SPIDR: variants seen among roughly 807,000 people sequenced by gnomAD.
SPIDR encodes the protein scaffold protein involved in DNA repair.
SPIDR carries 93 observed loss-of-function variants against 104.6 expected under a neutral mutation model. That is an observed-to-expected ratio of 0.89 (90% CI 0.75 to 1.06). The LOEUF (loss-of-function observed/expected upper bound fraction) is 1.06. SPIDR is among the 50% of genes least tolerant of loss of function. SPIDR has a pLI of 0.00. For synonymous variants in SPIDR, 431 were observed against 416.9 expected (o/e 1.03, Z -0.41); for missense variants, 1,154 against 1,111.2 (o/e 1.04, Z -0.55).
chr8:47,340,515 T>G (rs2050547431), intron 5 of SPIDR, among the ~76,000 whole-genome samples: 1 of 151,974 alleles, frequency 6.6e-6, no homozygotes, highest in Non-Finnish European at 1.5e-5. Flanking sequence ...GGTGGGAGAA[T>G]CACTTGAACC....
intron 5 of SPIDR, among the ~76,000 whole-genome samples, chr8:47,348,106 T>C (rs1321068553): frequency 2.6e-5 from 4 of 152,202 alleles, no homozygotes; most frequent in Admixed American, 6.5e-5. Context: ...TTTTCATGTT[T>C]AGTGCTTCCT....
chr8:47,529,574 C>T (rs1383202574), intron 8 of SPIDR, among the ~76,000 whole-genome samples: 1 of 151,694 alleles, frequency 6.6e-6, no homozygotes, highest in Non-Finnish European at 1.5e-5. Flanking sequence ...ACTAAGGCTA[C>T]CTTGCAAGAA....
intron 10 of SPIDR, among the ~76,000 whole-genome samples, chr8:47,603,559 AT>A (rs554738300): frequency 0.066 from 8,796 of 133,454 alleles, 351 homozygotes; most frequent in African/African-American, 0.12. Flanking sequence ...TACCCAGCTA[AT>A]TTTTTTTTTT....
intron 8 of SPIDR, among the ~76,000 whole-genome samples, chr8:47,538,576 C>T (rs557017934): frequency 6.6e-6 from 1 of 152,048 alleles, no homozygotes; most frequent in Admixed American, 6.6e-5. Context: ...AATTAATGTT[C>T]ATTGTCAGAC....
At chr8:47,422,620 A>C (rs2065728980) in intron 7 of SPIDR, among the ~76,000 whole-genome samples, 1 of 152,134 alleles carries the variant, frequency 6.6e-6, no homozygotes, top group Non-Finnish European at 1.5e-5. Context: ...ACTGTCCTGC[A>C]CCCACTGTCT....
chr8:47,271,985 C>A (rs1005542754), intron 1 of SPIDR, among the ~76,000 whole-genome samples: 5 of 150,998 alleles, frequency 3.3e-5, no homozygotes, highest in African/African-American at 1.2e-4. Flanking sequence ...ATTTTTTTTT[C>A]TTTTTTTGAG....
intron 10 of SPIDR, among the ~76,000 whole-genome samples, chr8:47,627,886 C>G (rs1268112522): frequency 6.6e-6 from 1 of 152,178 alleles, no homozygotes; most frequent in Non-Finnish European, 1.5e-5. Flanking sequence ...CTTTTTATAG[C>G]AGCGGACCAG....
chr8:47,528,635 C>T (rs571762232), intron 8 of SPIDR, among the ~76,000 whole-genome samples: 7 of 151,904 alleles, frequency 4.6e-5, no homozygotes, highest in African/African-American at 1.7e-4. Context: ...TCCTAGAAAC[C>T]GAAGGCACCA....
At position 47,440,536 on chromosome 8, in the gene SPIDR, C is replaced by G; in HGVS notation, c.1091C>G (p.Pro364Arg). 3.1e-6 allele frequency: 5 copies of G among 1,612,946 alleles called. No individual in the cohort carries two copies. The highest frequency in any genetic ancestry group is 4.2e-6 in the Non-Finnish European group (5 of 1,179,102). ...CCCCAGGACACTGTCCGGATCTTCCCTCCCTGGTGAGTGCGCAGAACTTAA... is the reference window on the plus strand; with the variant it reads ...CCCCAGGACACTGTCCGGATCTTCCGTCCCTGGTGAGTGCGCAGAACTTAA... ...GRPQDTVRIFPPWQKLIIPSG... is the reference protein window; with the variant it reads ...GRPQDTVRIFRPWQKLIIPSG... The change falls in exon 8 of 20, where the codon CCT becomes CGT. Residue 364 changes from proline (P) to arginine (R), a missense_variant. By Grantham distance (103) the Pro-to-Arg change is moderately radical. Transcript: ENST00000297423.
chr8:47,462,375 T>C (rs539407532), intron 8 of SPIDR, among the ~76,000 whole-genome samples: 1 of 152,268 alleles, frequency 6.6e-6, no homozygotes, highest in African/African-American at 2.4e-5. Context: ...CTCTTGGCTT[T>C]CCTGGTATAT....
intron 8 of SPIDR, among the ~76,000 whole-genome samples, chr8:47,508,560 G>T (rs1291533171): frequency 6.6e-6 from 1 of 152,192 alleles, no homozygotes; most frequent in Non-Finnish European, 1.5e-5. Context: ...TCTAAAAGAT[G>T]CCGTGTTGCT....
chr8:47,485,926 T>C (rs2077539368), intron 8 of SPIDR, among the ~76,000 whole-genome samples: 1 of 152,108 alleles, frequency 6.6e-6, no homozygotes, highest in Non-Finnish European at 1.5e-5. Context: ...AGCTGAAAAT[T>C]CTACAAATCA....
At chr8:47,278,234 C>G (rs1169872012) in intron 1 of SPIDR, among the ~76,000 whole-genome samples, 1 of 151,850 alleles carries the variant, frequency 6.6e-6, no homozygotes, top group Non-Finnish European at 1.5e-5. Flanking sequence ...ATCAGTGATG[C>G]AGCCTTGACC....
intron 5 of SPIDR, among the ~76,000 whole-genome samples, chr8:47,339,335 A>G (rs1432521473): frequency 2.0e-5 from 3 of 152,194 alleles, no homozygotes; most frequent in East Asian, 1.9e-4. Flanking sequence ...TCTATGGAGA[A>G]CTAACCTAAC....
At chr8:47,688,017 G>GT (rs1491452601) in intron 11 of SPIDR, among the ~76,000 whole-genome samples, 1 of 18,728 alleles carries the variant, frequency 5.3e-5, no homozygotes, top group Admixed American at 1.0e-3. Flanking sequence ...AAAAAAAAAA[G>GT]TGTGTGTGTG....
chr8:47,652,088 C>T (rs184821454), intron 10 of SPIDR, among the ~76,000 whole-genome samples: 9 of 152,190 alleles, frequency 5.9e-5, no homozygotes, highest in East Asian at 5.8e-4. Context: ...AACCAAAAAT[C>T]GCTTGTACCC....
intron 5 of SPIDR, among the ~76,000 whole-genome samples, chr8:47,348,956 T>G (rs2052803791): frequency 6.6e-6 from 1 of 152,214 alleles, no homozygotes; most frequent in African/African-American, 2.4e-5. Context: ...TTCTGTCAAC[T>G]TGTCAAAGTC....
At chr8:47,325,743 G>A (rs752920775) in intron 5 of SPIDR, among the ~76,000 whole-genome samples, 1 of 152,194 alleles carries the variant, frequency 6.6e-6, no homozygotes, top group Non-Finnish European at 1.5e-5. Flanking sequence ...TTCTTTGAGA[G>A]TGGAGGACTC....
At chr8:47,524,365 G>A (rs761538661) in intron 8 of SPIDR, among the ~76,000 whole-genome samples, 1 of 152,184 alleles carries the variant, frequency 6.6e-6, no homozygotes, top group Non-Finnish European at 1.5e-5. Flanking sequence ...CTCCTCCCAT[G>A]TACATCCAGA....
Sources: allele counts gnomAD v4.1 joint callset (sites outside exome capture counted in the v4.1 genomes callset), GRCh38; gene constraint gnomAD v4.1.1; transcripts MANE v1.5; gene names NCBI Gene and HGNC (gene_info 2026-07-23, HGNC 2026-07-21).